Variants in NETO2 observed in about 807,000 individuals in gnomAD.
NETO2 encodes the protein neuropilin and tolloid like 2.
NETO2 carries 28 observed loss-of-function variants against 62.5 expected under a neutral mutation model. That is an observed-to-expected ratio of 0.45 (90% CI 0.33 to 0.61). NETO2 has a LOEUF of 0.61. Among genes scored for constraint, NETO2 ranks in the 20% least tolerant of loss-of-function variants. The pLI, the probability that NETO2 is intolerant of heterozygous loss-of-function variation, is 0.02. For missense variants in NETO2, 548 were observed against 643.2 expected, an observed-to-expected ratio of 0.85 and a Z score of 1.60; for synonymous variants, 214 against 219.1, an observed-to-expected ratio of 0.98 and a Z score of 0.21.
intron 7 of NETO2, among the ~76,000 whole-genome samples, chr16:47,103,681 C>T (rs1963606208): frequency 6.6e-6 from 1 of 152,004 alleles, no homozygotes; most frequent in Non-Finnish European, 1.5e-5. Context: ...AATGATTATA[C>T]ACCAAGAACA....
At chr16:47,099,979 C>T (rs1963507668) in intron 7 of NETO2, among the ~76,000 whole-genome samples, 1 of 152,184 alleles carries the variant, frequency 6.6e-6, no homozygotes, top group African/African-American at 2.4e-5. Context: ...ATCTATAGAA[C>T]TCTTCAACCC....
intron 6 of NETO2, among the ~76,000 whole-genome samples, chr16:47,117,943 T>TA (rs533744018): frequency 1.3e-5 from 2 of 152,130 alleles, no homozygotes; most frequent in Non-Finnish European, 2.9e-5. Context: ...TTTTTTAAAT[T>TA]AAAAAAAGAT....
chr16:47,101,390 T>C (rs1286041938), intron 7 of NETO2, among the ~76,000 whole-genome samples: 3 of 152,150 alleles, frequency 2.0e-5, no homozygotes, highest in Non-Finnish European at 2.9e-5. Flanking sequence ...AAGGATGCCC[T>C]CTCTTACCAC....
intron 4 of NETO2, among the ~76,000 whole-genome samples, chr16:47,123,314 T>A (rs1007146628): frequency 1.3e-5 from 2 of 152,192 alleles, no homozygotes; most frequent in East Asian, 3.9e-4. Flanking sequence ...ATACTGTGAA[T>A]GTACTTAACG....
chr16:47,080,254 T>C lies in NETO2; in HGVS notation c.*2967A>G, dbSNP rs1567375436. On this transcript the variant is annotated 3_prime_UTR_variant, in exon 9 of 9. Coordinates refer to ENST00000562435, the MANE Select transcript of NETO2 (RefSeq NM_018092.5). ...GGCATTTGGGGGATGATGCGGTGAA[T>C]TGCAGATGGAAGATAATGGTGACAG... 2 of 152,212 alleles carry C rather than the reference T, an allele frequency of 1.3e-5. No homozygotes were observed. The highest frequency in any genetic ancestry group is 2.1e-4 in the South Asian group (1 of 4,826). 9.4% of individuals were successfully genotyped at this position (152,212 alleles called of 1,614,324 possible).
At chr16:47,087,294 G>C (rs1963214080) in intron 7 of NETO2, among the ~76,000 whole-genome samples, 1 of 152,138 alleles carries the variant, frequency 6.6e-6, no homozygotes, top group Admixed American at 6.5e-5. Context: ...AAAGCGCTGG[G>C]ATTACAGGTG....
intron 1 of NETO2, among the ~76,000 whole-genome samples, chr16:47,136,454 C>G (rs1964362814): frequency 6.6e-6 from 1 of 152,186 alleles, no homozygotes; most frequent in African/African-American, 2.4e-5. Flanking sequence ...GTCGCCTATG[C>G]TGGAGTGCAG....
intron 7 of NETO2, among the ~76,000 whole-genome samples, chr16:47,088,857 G>A (rs527438674): frequency 2.0e-5 from 3 of 152,206 alleles, no homozygotes; most frequent in East Asian, 3.9e-4. Context: ...AATGGGCTGT[G>A]AACATGGGCT....
At chr16:47,120,670 G>A (rs1964018682) in intron 6 of NETO2, among the ~76,000 whole-genome samples, 1 of 152,122 alleles carries the variant, frequency 6.6e-6, no homozygotes, top group Non-Finnish European at 1.5e-5. Context: ...AAATGACAAT[G>A]AACACTCTTA....
chr16:47,113,816 C>T (rs1963853056), intron 6 of NETO2, among the ~76,000 whole-genome samples: 1 of 152,084 alleles, frequency 6.6e-6, no homozygotes, highest in Non-Finnish European at 1.5e-5. Context: ...TACTCTTGAA[C>T]TCCTGACCTC....
chr16:47,121,968 C>T (rs534543053), intron 6 of NETO2, among the ~76,000 whole-genome samples: 3 of 152,168 alleles, frequency 2.0e-5, no homozygotes, highest in South Asian at 4.1e-4. Flanking sequence ...CCTTATCTAT[C>T]ATATTACCCA....
At position 47,140,970 on chromosome 16, in the gene NETO2, C is replaced by T. The variant is rs577614230; in HGVS notation, c.34+2609G>A. ...ATCCTCATGTAATATTTTCATGAGA[C>T]TATAATGCTTAGTTAACCTTGACAG... On this transcript the variant is annotated intron_variant, in intron 1 of 8. Transcript: ENST00000562435. Among the ~76,000 whole-genome samples, 3 of 152,280 alleles carry T rather than the reference C, an allele frequency of 2.0e-5. No individual in the cohort carries two copies. In the South Asian group the frequency reaches 6.2e-4, roughly 32 times the overall value.
intron 1 of NETO2, among the ~76,000 whole-genome samples, chr16:47,139,767 G>A (rs576195812): frequency 6.6e-6 from 1 of 152,366 alleles, no homozygotes; most frequent in South Asian, 2.1e-4. Context: ...GTAAGAAAGA[G>A]TAACTCTATA....
chr16:47,133,394 A>G (rs1387618333), intron 1 of NETO2, among the ~76,000 whole-genome samples: 8 of 141,456 alleles, frequency 5.7e-5, no homozygotes, highest in Admixed American at 1.4e-4. Context: ...GTCTCTACGG[A>G]AAAAAAAAAA....
At chr16:47,133,800 T>C (rs1964317745) in intron 1 of NETO2, among the ~76,000 whole-genome samples, 1 of 152,200 alleles carries the variant, frequency 6.6e-6, no homozygotes, top group South Asian at 2.1e-4. Context: ...TAACAAGTTT[T>C]GAATGGCATG....
intron 8 of NETO2, among the ~76,000 whole-genome samples, chr16:47,084,659 C>T (rs1042221114): frequency 3.3e-5 from 5 of 152,140 alleles, no homozygotes; most frequent in Admixed American, 2.6e-4. Flanking sequence ...AAGAAACAAA[C>T]AAAACATATG....
chr16:47,080,555 GATTT>G lies in NETO2; in HGVS notation c.*2662_*2665del, dbSNP rs751816859. Reference sequence around the variant, plus strand: ...GCATTATTCTGGCAATAATGCCTAAGATTTATTAGTTCCATTCTTACCTCTTCCA... The same window carrying G: ...GCATTATTCTGGCAATAATGCCTAAGATTAGTTCCATTCTTACCTCTTCCA... On this transcript the variant is annotated 3_prime_UTR_variant, in exon 9 of 9. Transcript: ENST00000562435. The G allele has an allele frequency of 6.6e-6, 1 of 152,212 alleles. No homozygotes were observed. The highest frequency in any genetic ancestry group is 1.5e-5 in the Non-Finnish European group (1 of 68,040). The allele number at this position is 152,212 out of a possible 1,614,324, so 9.4% of individuals were successfully genotyped here.
Position 47,083,485 on chromosome 16 carries a change from G to A in NETO2, c.1314C>T (p.His438=). 1 of 1,614,238 alleles carries A rather than the reference G, an allele frequency of 6.2e-7. No homozygotes were observed. The highest frequency in any genetic ancestry group is 8.5e-7 in the Non-Finnish European group (1 of 1,180,048). Residue 438 remains histidine, a synonymous_variant, in exon 9 of 9, where the codon CAC becomes CAT. Transcript: ENST00000562435. ...SSTASRCIHD[H]HCGSQASSVK... is the part of the protein sequence containing the mutation. Reference sequence around the variant, plus strand: ...CGCTGGAGGCCTGCGACCCACAGTGGTGGTCGTGGATGCAGCGGGAGGCGG... The same window carrying A: ...CGCTGGAGGCCTGCGACCCACAGTGATGGTCGTGGATGCAGCGGGAGGCGG...
chr16:47,142,044 A>G (rs1964470866), intron 1 of NETO2, among the ~76,000 whole-genome samples: 1 of 152,232 alleles, frequency 6.6e-6, no homozygotes. Flanking sequence ...GGTCAGTAGC[A>G]TGCTGACAAC....
Sources: allele counts gnomAD v4.1 joint callset (sites outside exome capture counted in the v4.1 genomes callset), GRCh38; gene constraint gnomAD v4.1.1; transcripts MANE v1.5; gene names NCBI Gene and HGNC (gene_info 2026-07-23, HGNC 2026-07-21).